PPP1R16B: variants seen among roughly 807,000 people sequenced by gnomAD.
PPP1R16B encodes the protein protein phosphatase 1 regulatory subunit 16B.
PPP1R16B carries 14 observed loss-of-function variants against 61.7 expected under a neutral mutation model. That is an observed-to-expected ratio of 0.23 (90% CI 0.15 to 0.35). The LOEUF (loss-of-function observed/expected upper bound fraction) is 0.35, where lower values mean the gene tolerates loss of function less well. Ranked by LOEUF, PPP1R16B falls within the 10% of genes least tolerant of loss-of-function variation. The probability of loss-of-function intolerance (pLI) is 1.00; values close to 1 mark genes in which losing one functional copy is unlikely to be tolerated. For missense variants in PPP1R16B, 547 were observed against 752.5 expected, an observed-to-expected ratio of 0.73 and a Z score of 3.19; for synonymous variants, 266 against 305.3, an observed-to-expected ratio of 0.87 and a Z score of 1.34.
intron 4 of PPP1R16B, among the ~76,000 whole-genome samples, chr20:38,896,113 T>A (rs1601298588): frequency 9.5e-6 from 1 of 105,052 alleles, no homozygotes; most frequent in Admixed American, 9.6e-5. Context: ...CTCCCCTCCC[T>A]TCCTTCTTTC....
chr20:38,863,457 G>A (rs1038241175), intron 2 of PPP1R16B, among the ~76,000 whole-genome samples: 11 of 152,214 alleles, frequency 7.2e-5, no homozygotes, highest in African/African-American at 2.4e-4. Flanking sequence ...AACTTTCCAC[G>A]TTTCCGTGTC....
intron 5 of PPP1R16B, 48 bp from the exon 6 acceptor site, chr20:38,902,620 G>A (rs1568682220): frequency 3.1e-6 from 5 of 1,611,732 alleles, no homozygotes; most frequent in Non-Finnish European, 4.2e-6. Context: ...TGCCCTCTGG[G>A]GTCGTAGGCC....
chr20:38,902,743 T>C lies in PPP1R16B; in HGVS notation c.647T>C (p.Ile216Thr). The change falls in exon 6 of 11, where the codon ATC becomes ACC. Residue 216 changes from isoleucine (I) to threonine (T), a missense_variant. Coordinates refer to ENST00000299824, the MANE Select transcript of PPP1R16B (RefSeq NM_015568.4). ...ATGATTGCGGACATCCACTGCATGA[T>C]CGCAGCGGGCCAGGACCTGGACTGG... The part of the protein sequence containing the change: ...QQMIADIHCM[I>T]AAGQDLDWID... 1.2e-6 allele frequency: 2 copies of C among 1,614,222 alleles called. No individual in the cohort carries two copies. The highest frequency in any genetic ancestry group is 1.1e-5 in the South Asian group (1 of 91,086).
chr20:38,852,886 G>C (rs1474592124), intron 2 of PPP1R16B, among the ~76,000 whole-genome samples: 1 of 150,094 alleles, frequency 6.7e-6, no homozygotes, highest in Non-Finnish European at 1.5e-5. Flanking sequence ...TGATTTTCCT[G>C]TCTCCGTCTC....
chr20:38,810,003 A>AC (rs2084689531), intron 1 of PPP1R16B, among the ~76,000 whole-genome samples: 1 of 151,194 alleles, frequency 6.6e-6, no homozygotes, highest in Admixed American at 6.6e-5. Flanking sequence ...AAAAAAAAAA[A>AC]AAACAAAACC....
chr20:38,884,604 C>T (rs564164724), intron 2 of PPP1R16B, among the ~76,000 whole-genome samples: 1 of 152,292 alleles, frequency 6.6e-6, no homozygotes, highest in Admixed American at 6.5e-5. Context: ...TTGTCAGTCC[C>T]AATGAAGGTC....
intron 1 of PPP1R16B, among the ~76,000 whole-genome samples, chr20:38,813,365 A>C (rs1205834174): frequency 6.6e-6 from 1 of 152,260 alleles, no homozygotes; most frequent in Non-Finnish European, 1.5e-5. Flanking sequence ...GCCTTAGCCC[A>C]GTCCACCTGT....
intron 1 of PPP1R16B, among the ~76,000 whole-genome samples, chr20:38,814,392 G>A (rs978059027): frequency 5.9e-5 from 9 of 152,112 alleles, no homozygotes; most frequent in African/African-American, 1.9e-4. Flanking sequence ...AGTCAGGTAC[G>A]GGTTTGATTC....
intron 5 of PPP1R16B, among the ~76,000 whole-genome samples, chr20:38,901,594 G>A (rs1026370473): frequency 1.3e-5 from 2 of 152,114 alleles, no homozygotes; most frequent in Non-Finnish European, 2.9e-5. Flanking sequence ...ATTTTTAGTA[G>A]AGACAGGATT....
chr20:38,918,837 A>T lies in PPP1R16B; in HGVS notation c.*171A>T, dbSNP rs2085566347. 2.5e-6 allele frequency: 2 copies of T among 793,104 alleles called. No homozygotes were observed. Among genetic ancestry groups the T allele is most frequent in the African/African-American group, 3.5e-5 (2 of 56,858 alleles). 49.1% of individuals were successfully genotyped at this position (793,104 alleles called of 1,614,324 possible). The stretch of plus-strand genomic sequence containing the variant: ...GGCTGCCCATAGCATCCCATGTCCC[A>T]CGTCCCGTGGTTCTGCTTCCTGCTG... On this transcript the variant is annotated 3_prime_UTR_variant, in exon 11 of 11. Coordinates refer to ENST00000299824, the MANE Select transcript of PPP1R16B (RefSeq NM_015568.4). The surrounding 1 kb of genome is among the most constrained non-coding windows in gnomAD (Gnocchi z 5.3).
At chr20:38,847,291 A>C (rs2084941528) in intron 2 of PPP1R16B, among the ~76,000 whole-genome samples, 1 of 152,218 alleles carries the variant, frequency 6.6e-6, no homozygotes. Flanking sequence ...CGAGACAGTT[A>C]AGGTTGAATA....
intron 1 of PPP1R16B, among the ~76,000 whole-genome samples, chr20:38,818,829 C>T (rs556044303): frequency 1.4e-3 from 213 of 150,228 alleles, no homozygotes; most frequent in South Asian, 4.6e-3. Flanking sequence ...GATCTGTGAT[C>T]GTGCAGTGGT....
intron 3 of PPP1R16B, among the ~76,000 whole-genome samples, chr20:38,895,124 A>AAC (rs575104165): frequency 7.2e-5 from 11 of 152,132 alleles, no homozygotes; most frequent in Non-Finnish European, 1.5e-4. Context: ...ACACCCTCCC[A>AAC]ACACACACAC....
chr20:38,918,599 T>A lies in PPP1R16B; in HGVS notation c.1637T>A (p.Leu546His). 6 of 1,528,658 alleles carry A rather than the reference T, an allele frequency of 3.9e-6. No homozygotes were observed. The highest frequency in any genetic ancestry group is 5.3e-6 in the Non-Finnish European group (6 of 1,138,936). 94.7% of individuals were successfully genotyped at this position (1,528,658 alleles called of 1,614,324 possible). A position where few individuals can be genotyped will look rare whatever the true frequency, so the allele number is the denominator to read the frequency against. ...YYTVTSGDPPLLKFKAPIEEM... is the reference protein window; with the variant it reads ...YYTVTSGDPPHLKFKAPIEEM... ...ACGGTCACCAGCGGAGATCCCCCAC[T>A]CTTAAAGTTCAAGGCCCCCATAGAG... Residue 546 changes from leucine (L) to histidine (H), a missense_variant, in exon 11 of 11, where the codon CTC becomes CAC. Physicochemically the swap from Leu to His is moderately conservative, Grantham distance 99. Transcript: ENST00000299824. This position sits in a 1 kb window ranked among gnomAD's most constrained non-coding sequence, Gnocchi z 5.3.
In PPP1R16B at chr20:38,907,090, G is replaced by T; in HGVS notation, c.898+36G>T. The T allele has an allele frequency of 6.5e-7, 1 of 1,527,046 alleles. No homozygotes were observed. The highest frequency in any genetic ancestry group is 1.4e-5 in the African/African-American group (1 of 73,172). The allele number at this position is 1,527,046 out of a possible 1,614,324, so 94.6% of individuals were successfully genotyped here. On this transcript the variant is annotated intron_variant, in intron 8 of 10. Transcript: ENST00000299824. The surrounding 1 kb of genome is among the most constrained non-coding windows in gnomAD (Gnocchi z 4.5). ...CACAATAGCTGGTGTGCACAAATAG[G>T]CAGTTATCAATGTTTTGATGGGTAG...
At chr20:38,898,801 C>CCTTG (rs1346201812) in intron 4 of PPP1R16B, among the ~76,000 whole-genome samples, 1 of 135,634 alleles carries the variant, frequency 7.4e-6, no homozygotes, top group African/African-American at 2.8e-5. Flanking sequence ...TGGAGCAAGA[C>CCTTG]CTTGTTTCAA....
intron 1 of PPP1R16B, among the ~76,000 whole-genome samples, chr20:38,831,129 G>T (rs996694672): frequency 1.3e-5 from 2 of 152,234 alleles, no homozygotes; most frequent in African/African-American, 2.4e-5. Context: ...TTGTCGAATT[G>T]CTTGTTGGAC....
In PPP1R16B at chr20:38,911,497, C is replaced by T. The variant is rs566588931; in HGVS notation, c.1194+3304C>T. Among the ~76,000 whole-genome samples the T allele has an allele frequency of 4.6e-5, 7 of 150,896 alleles. No homozygotes were observed. The South Asian group carries it at 1.3e-3, about 27-fold the overall frequency. ...TTCTTTTTTATTGCTTTCTAGAATTCGATTGTTTGAATATTAAAATTTACA... is the reference window on the plus strand; with the variant it reads ...TTCTTTTTTATTGCTTTCTAGAATTTGATTGTTTGAATATTAAAATTTACA... On this transcript the variant is annotated intron_variant, in intron 10 of 10. Transcript: ENST00000299824.
chr20:38,837,527 AT>A (rs912900640), intron 2 of PPP1R16B, among the ~76,000 whole-genome samples: 2 of 148,520 alleles, frequency 1.3e-5, no homozygotes, highest in Non-Finnish European at 3.0e-5. Context: ...ATGTTTCCAG[AT>A]TTTTTTCTTT....
Sources: allele counts gnomAD v4.1 joint callset (sites outside exome capture counted in the v4.1 genomes callset), GRCh38; gene constraint gnomAD v4.1.1; non-coding constraint Gnocchi (gnomAD v3.1); transcripts MANE v1.5; gene names NCBI Gene and HGNC (gene_info 2026-07-23, HGNC 2026-07-21).